Variants in ANK3 observed in about 807,000 individuals in gnomAD.
The protein encoded by ANK3 is ankyrin 3.
A neutral mutation model predicts 370.9 loss-of-function variants in ANK3; 57 were observed. That is an observed-to-expected ratio of 0.15 (90% confidence interval 0.12 to 0.19). The LOEUF (loss-of-function observed/expected upper bound fraction) is 0.19, where lower values mean the gene tolerates loss of function less well. ANK3 is among the 10% of genes least tolerant of loss of function. The pLI is 1.00. For synonymous variants in ANK3, 1,929 were observed against 1,946.3 expected (o/e 0.99, Z 0.23); for missense variants, 4,439 against 5,302.1 (o/e 0.84, Z 5.06).
At chr10:60,118,733 G>C (rs535289428) in intron 25 of ANK3, among the ~76,000 whole-genome samples, 2 of 151,996 alleles carry the variant, frequency 1.3e-5, no homozygotes, top group Non-Finnish European at 2.9e-5. Flanking sequence ...TTTCACAAAG[G>C]TTCATTTTTT....
chr10:60,067,613 T>C (rs1467416088), intron 38 of ANK3, among the ~76,000 whole-genome samples: 1 of 152,220 alleles, frequency 6.6e-6, no homozygotes, highest in Non-Finnish European at 1.5e-5. Context: ...GTGTTTTCTT[T>C]TGTGCTACAA....
chr10:60,256,213 T>G (rs1172636953), intron 7 of ANK3, among the ~76,000 whole-genome samples: 1 of 152,268 alleles, frequency 6.6e-6, no homozygotes, highest in Non-Finnish European at 1.5e-5. Flanking sequence ...TATTATATGG[T>G]TTGGCACCTT....
chr10:60,653,225 C>T (rs1300026173), intron 1 of ANK3, among the ~76,000 whole-genome samples: 1 of 152,112 alleles, frequency 6.6e-6, no homozygotes, highest in Non-Finnish European at 1.5e-5. Flanking sequence ...GACAAGATCA[C>T]AAAGCCAAGG....
At chr10:60,696,420 G>A (rs894331351) in intron 1 of ANK3, among the ~76,000 whole-genome samples, 57 of 150,862 alleles carry the variant, frequency 3.8e-4, no homozygotes, top group Admixed American at 1.5e-3. Context: ...GCATCATCCT[G>A]ATACCAAAGC....
intron 1 of ANK3, among the ~76,000 whole-genome samples, chr10:60,621,853 G>A (rs1044685958): frequency 6.6e-6 from 1 of 151,960 alleles, no homozygotes; most frequent in Non-Finnish European, 1.5e-5. Context: ...AACTCAAATC[G>A]TAAATTTTAA....
rs191181479 is a variant in ANK3 at position 60,200,528 on chromosome 10, G to T, written c.1393-301C>A. ...TCAGTGCTCATAGGAGCCAAGCAGG[G>T]GGGTGAGTGAGTGCAGCTGGGCAGG... On this transcript the variant is annotated intron_variant, in intron 12 of 43. Coordinates refer to ENST00000280772, the MANE Select transcript of ANK3 (RefSeq NM_020987.5). 9.9e-5 allele frequency among the ~76,000 whole-genome samples: 15 copies of T among 152,202 alleles called. No individual in the cohort carries two copies. The East Asian group carries it at 2.9e-3, about 30-fold the overall frequency.
chr10:60,648,762 T>A (rs1172396178), intron 1 of ANK3, among the ~76,000 whole-genome samples: 3 of 82,038 alleles, frequency 3.7e-5, no homozygotes, highest in African/African-American at 1.3e-4. Context: ...AGAATAAGAC[T>A]GTCTTAAAAA....
At chr10:60,083,454 C>T in intron 33 of ANK3, 38 bp downstream of exon 33, 1 of 1,579,090 alleles carries the variant, frequency 6.3e-7, no homozygotes. Flanking sequence ...AGTATTTTTT[C>T]CCCATAATTC....
intron 2 of ANK3, among the ~76,000 whole-genome samples, chr10:60,461,961 G>A (rs1043104147): frequency 3.9e-5 from 6 of 152,174 alleles, no homozygotes; most frequent in Non-Finnish European, 8.8e-5. Flanking sequence ...TAGTCAGCGG[G>A]TGGGGGACCC....
At chr10:60,030,761 A>G (rs1387520093) in intron 43 of ANK3, among the ~76,000 whole-genome samples, 37 of 152,150 alleles carry the variant, frequency 2.4e-4, no homozygotes, top group Admixed American at 2.4e-3. Context: ...GTCAAGTGGC[A>G]ATACACCTTT....
chr10:60,378,794 A>C (rs2061154919), intron 1 of ANK3, among the ~76,000 whole-genome samples: 1 of 152,176 alleles, frequency 6.6e-6, no homozygotes, highest in South Asian at 2.1e-4. Context: ...GGTTTGAGAA[A>C]ATATTTTATG....
chr10:60,413,090 A>G (rs777325622), intron 2 of ANK3, among the ~76,000 whole-genome samples: 4 of 152,210 alleles, frequency 2.6e-5, no homozygotes, highest in Non-Finnish European at 2.9e-5. Context: ...AATAATTATC[A>G]CCTTTCTATG....
At chr10:60,362,410 A>T (rs1377082271) in intron 1 of ANK3, among the ~76,000 whole-genome samples, 1 of 152,202 alleles carries the variant, frequency 6.6e-6, no homozygotes, top group African/African-American at 2.4e-5. Context: ...AACCGCACTG[A>T]TTGTTATGCT....
chr10:60,093,643 A>G lies in ANK3; in HGVS notation c.3329-5285T>C, dbSNP rs542352259. ...TAACACCCCCGAAAACGATGACAGC[A>G]CTGAATTGAGAAGAATTGCCACTTT... On this transcript the variant is annotated intron_variant, in intron 28 of 43. Coordinates refer to ENST00000280772, the MANE Select transcript of ANK3 (RefSeq NM_020987.5). Among the ~76,000 whole-genome samples, 5 of 152,326 alleles carry G rather than the reference A, an allele frequency of 3.3e-5. No individual in the cohort carries two copies. In the South Asian group the frequency reaches 1.0e-3, roughly 32 times the overall value.
At chr10:60,086,473 C>G (rs1473153169) in intron 30 of ANK3, 1 of 470,418 alleles carries the variant, frequency 2.1e-6, no homozygotes. Context: ...GTCATGAGAC[C>G]AGGATCTTGA....
chr10:60,619,921 G>A (rs1288820387), intron 1 of ANK3, among the ~76,000 whole-genome samples: 2 of 152,264 alleles, frequency 1.3e-5, no homozygotes, highest in East Asian at 3.9e-4. Context: ...AGACTATTCT[G>A]AAGTCCACAG....
intron 28 of ANK3, among the ~76,000 whole-genome samples, chr10:60,093,564 T>G (rs1332047405): frequency 1.3e-5 from 2 of 151,916 alleles, no homozygotes; most frequent in Admixed American, 1.3e-4. Context: ...TGTGAGAGAG[T>G]TCTGGGTATA....
Position 60,572,567 on chromosome 10 carries a change from C to T in ANK3, c.96+42619G>A. ...AGGTGAGTTTATAAAAGACAGATCA[C>T]CGCCGGTATTCCAACATCCAAAACC... On this transcript the variant is annotated intron_variant, in intron 2 of 43. Transcript: ENST00000373827. 2.6e-6 allele frequency: 4 copies of T among 1,530,462 alleles called. No homozygotes were observed. In the South Asian group the frequency reaches 4.8e-5, roughly 18 times the overall value. The allele number at this position is 1,530,462 out of a possible 1,614,324, so 94.8% of individuals were successfully genotyped here. A position where few individuals can be genotyped will look rare whatever the true frequency, so the allele number is the denominator to read the frequency against.
intron 2 of ANK3, among the ~76,000 whole-genome samples, chr10:60,558,857 A>AT (rs2077269172): frequency 6.6e-6 from 1 of 152,176 alleles, no homozygotes; most frequent in Admixed American, 6.6e-5. Context: ...CAAATTTCTA[A>AT]TTTTCTTATT....
Sources: allele counts gnomAD v4.1 joint callset (sites outside exome capture counted in the v4.1 genomes callset), GRCh38; gene constraint gnomAD v4.1.1; transcripts MANE v1.5; gene names NCBI Gene and HGNC (gene_info 2026-07-23, HGNC 2026-07-21).